Variants in GLE1 observed in about 807,000 individuals in gnomAD.
GLE1 encodes GLE1 RNA export mediator.
Under a neutral mutation model 97.3 loss-of-function variants are expected in GLE1, and 78 were observed. The ratio of observed to expected loss-of-function variants is 0.80; its 90% CI spans 0.67 to 0.97. The LOEUF is 0.97. Ranked by LOEUF, GLE1 falls within the 50% of genes least tolerant of loss-of-function variation. The probability of loss-of-function intolerance (pLI) is 0.00; values close to 1 mark genes in which losing one functional copy is unlikely to be tolerated. For missense variants in GLE1, 753 were observed against 857.5 expected (o/e 0.88, Z 1.52); for synonymous variants, 302 against 313.4 (o/e 0.96, Z 0.39).
chr9:128,540,540 C>T lies in GLE1; in HGVS notation c.2028+202C>T, dbSNP rs1847855427. 9 of 599,942 alleles carry T rather than the reference C, an allele frequency of 1.5e-5. No homozygotes were observed. In the South Asian group the frequency reaches 1.7e-4, roughly 11 times the overall value. The allele number at this position is 599,942 out of a possible 1,614,324, so 37.2% of individuals were successfully genotyped here. A position where few individuals can be genotyped will look rare whatever the true frequency, so the allele number is the denominator to read the frequency against. On this transcript the variant is annotated intron_variant, in intron 15 of 15. Coordinates refer to ENST00000309971, the MANE Select transcript of GLE1 (RefSeq NM_001003722.2). ...TTCTTTATATGTATCATTCTCTATA[C>T]TGCCTGTGAGAAAGCTATGCTGAGA...
chr9:128,539,394 A>AT (rs1322774265), intron 13 of GLE1, among the ~76,000 whole-genome samples: 7 of 152,246 alleles, frequency 4.6e-5, no homozygotes, highest in African/African-American at 1.7e-4. Flanking sequence ...AGAGTAGTTC[A>AT]TTAAGACCTG....
Position 128,541,125 on chromosome 9 carries a change from T to G in GLE1, c.2052T>G (p.Ile684Met). Residue 684 changes from isoleucine to methionine, a missense_variant, in exon 16 of 16, where the codon ATT becomes ATG. Coordinates refer to ENST00000309971, the MANE Select transcript of GLE1 (RefSeq NM_001003722.2). ...FLEKCLQHKD[I>M]PVPKGFLTSS... ...AGAAATGTTTGCAACACAAGGACAT[T>G]CCTGTCCCCAAGGGCTTTCTGACTT... 2 of 1,589,640 alleles carry G rather than the reference T, an allele frequency of 1.3e-6. No homozygotes were observed. The highest frequency in any genetic ancestry group is 1.7e-6 in the Non-Finnish European group (2 of 1,157,666).
intron 1 of GLE1, among the ~76,000 whole-genome samples, chr9:128,505,260 C>T (rs1165707777): frequency 1.3e-5 from 2 of 152,134 alleles, no homozygotes; most frequent in African/African-American, 2.4e-5. Context: ...TTGCGACGAA[C>T]GATTGACACG....
At chr9:128,531,552 C>T (rs2132496699) in intron 9 of GLE1, among the ~76,000 whole-genome samples, 1 of 147,968 alleles carries the variant, frequency 6.8e-6, no homozygotes, top group East Asian at 2.0e-4. Context: ...GTGGATGTCG[C>T]CGGGTGTGGT....
At chr9:128,523,440 C>T (rs918166692) in intron 5 of GLE1, 100 bp downstream of exon 5, 126 of 1,368,614 alleles carry the variant, frequency 9.2e-5, no homozygotes, top group African/African-American at 2.1e-4. Context: ...GGATCTGGGC[C>T]GTATTATGCC....
chr9:128,526,844 A>AT (rs1847314576), intron 7 of GLE1, among the ~76,000 whole-genome samples: 1 of 151,826 alleles, frequency 6.6e-6, no homozygotes, highest in Admixed American at 6.6e-5. Context: ...TAATTTGTGT[A>AT]TTTTTTGTAG....
At chr9:128,534,317 C>T (rs1847626205) in intron 11 of GLE1, among the ~76,000 whole-genome samples, 1 of 152,042 alleles carries the variant, frequency 6.6e-6, no homozygotes, top group African/African-American at 2.4e-5. Context: ...CGCAGTGAGC[C>T]AAGATCGCAC....
intron 1 of GLE1, among the ~76,000 whole-genome samples, chr9:128,507,149 C>T (rs1214064018): frequency 6.6e-6 from 1 of 152,102 alleles, no homozygotes; most frequent in Non-Finnish European, 1.5e-5. Context: ...TAGATATGCT[C>T]ATTATTACTA....
intron 2 of GLE1, among the ~76,000 whole-genome samples, chr9:128,514,302 A>G (rs1398492431): frequency 6.7e-6 from 1 of 148,368 alleles, no homozygotes; most frequent in Non-Finnish European, 1.5e-5. Flanking sequence ...TCACGCCACT[A>G]TACTCCAGCC....
chr9:128,537,089 C>T (rs1481709980), intron 12 of GLE1: 1 of 153,878 alleles, frequency 6.5e-6, no homozygotes, highest in Non-Finnish European at 1.4e-5. Flanking sequence ...TATGGAATGC[C>T]TGAAACTGAA....
intron 1 of GLE1, among the ~76,000 whole-genome samples, chr9:128,508,436 TATAC>T (rs1453580458): frequency 6.6e-6 from 1 of 152,080 alleles, no homozygotes; most frequent in African/African-American, 2.4e-5. Flanking sequence ...TGAAAAAATA[TATAC>T]ATCTAGGTTT....
intron 3 of GLE1, among the ~76,000 whole-genome samples, chr9:128,520,784 C>A (rs553046920): frequency 1.3e-5 from 2 of 151,526 alleles, no homozygotes; most frequent in Admixed American, 1.3e-4. Flanking sequence ...GACAGGGTCT[C>A]GCTCCGTTGC....
intron 1 of GLE1, among the ~76,000 whole-genome samples, chr9:128,506,112 G>T (rs973918019): frequency 6.6e-6 from 1 of 152,160 alleles, no homozygotes; most frequent in African/African-American, 2.4e-5. Context: ...TTGGGAGGCC[G>T]AGGGGGACGG....
intron 7 of GLE1, 95 bp downstream of exon 7, chr9:128,525,518 C>T (rs1847276825): frequency 7.2e-6 from 6 of 827,820 alleles, no homozygotes; most frequent in Admixed American, 2.0e-5. Context: ...AACTGTAGGA[C>T]AGTTAACCAG....
chr9:128,510,725 T>G (rs1368450706), intron 2 of GLE1, among the ~76,000 whole-genome samples: 1 of 150,458 alleles, frequency 6.6e-6, no homozygotes, highest in Non-Finnish European at 1.5e-5. Flanking sequence ...GACAGGATTT[T>G]GCCATGTTGT....
At chr9:128,509,944 G>A (rs999776605) in intron 2 of GLE1, among the ~76,000 whole-genome samples, 18 of 147,084 alleles carry the variant, frequency 1.2e-4, no homozygotes, top group African/African-American at 4.4e-4. Flanking sequence ...AGGCAACAGA[G>A]TGAGTCCCTA....
chr9:128,518,140 C>T (rs1249096543), intron 3 of GLE1, among the ~76,000 whole-genome samples: 1 of 151,460 alleles, frequency 6.6e-6, no homozygotes, highest in Non-Finnish European at 1.5e-5. Context: ...TTAAAAAAAA[C>T]TCACGTGCCT....
intron 2 of GLE1, among the ~76,000 whole-genome samples, chr9:128,514,522 A>C (rs1846921889): frequency 6.7e-6 from 1 of 149,466 alleles, no homozygotes; most frequent in Admixed American, 6.7e-5. Flanking sequence ...TGCGCACTGC[A>C]AGCTCCACCT....
intron 13 of GLE1, among the ~76,000 whole-genome samples, chr9:128,538,588 T>C (rs1052814906): frequency 2.0e-5 from 3 of 152,056 alleles, no homozygotes; most frequent in African/African-American, 4.8e-5. Flanking sequence ...CCTGAAGTCA[T>C]GAGTTCAAGA....
Sources: allele counts gnomAD v4.1 joint callset (sites outside exome capture counted in the v4.1 genomes callset), GRCh38; gene constraint gnomAD v4.1.1; transcripts MANE v1.5; gene names NCBI Gene and HGNC (gene_info 2026-07-23, HGNC 2026-07-21).